Variants in COPA observed in about 807,000 individuals in gnomAD.
The protein encoded by COPA is coat protein complex I subunit alpha, also known as coatomer subunit alpha.
COPA carries 10 observed loss-of-function variants against 158.7 expected under a neutral mutation model. That is an observed-to-expected ratio of 0.06 (90% CI 0.04 to 0.11). The LOEUF (loss-of-function observed/expected upper bound fraction) is 0.11, where lower values mean the gene tolerates loss of function less well. Ranked by LOEUF, COPA falls within the 10% of genes least tolerant of loss-of-function variation. COPA has a pLI of 1.00. For synonymous variants in COPA, 462 were observed against 542.8 expected (o/e 0.85, Z 2.07); for missense variants, 1,065 against 1,536.7 (o/e 0.69, Z 5.13).
At chr1:160,303,305 T>C (rs1016310147) in intron 17 of COPA, among the ~76,000 whole-genome samples, 3 of 152,188 alleles carry the variant, frequency 2.0e-5, no homozygotes, top group Non-Finnish European at 2.9e-5. Context: ...AAAGGAAAAG[T>C]TGTACCAGAT....
chr1:160,327,167 T>C (rs1647270678), intron 6 of COPA, among the ~76,000 whole-genome samples: 1 of 152,210 alleles, frequency 6.6e-6, no homozygotes, highest in Non-Finnish European at 1.5e-5. Context: ...TAGTGGAAGA[T>C]GAAATTACCT....
chr1:160,332,002 C>A (rs912818693), intron 6 of COPA, among the ~76,000 whole-genome samples: 2 of 151,926 alleles, frequency 1.3e-5, no homozygotes, highest in African/African-American at 4.8e-5. Context: ...TAGAACCCAA[C>A]CATGCTCCCC....
At chr1:160,335,369 C>T in intron 3 of COPA, 47 bp from the exon 4 acceptor site, 10 of 1,466,912 alleles carry the variant, frequency 6.8e-6, no homozygotes, top group Non-Finnish European at 9.4e-6. Context: ...TATTGAGCCT[C>T]TAAAAGGCTC....
intron 1 of COPA, among the ~76,000 whole-genome samples, chr1:160,342,349 A>G (rs1648114081): frequency 2.0e-5 from 3 of 152,078 alleles, no homozygotes; most frequent in Admixed American, 2.0e-4. Context: ...CGGAGACCTT[A>G]CTTCTCTGAC....
In COPA at chr1:160,307,221, C is replaced by A. The variant is rs1175454725; in HGVS notation, c.1244G>T (p.Gly415Val). Residue 415 changes from glycine (G) to valine (V), a missense_variant, in exon 14 of 33, where the codon GGC becomes GTC. By Grantham distance (109) the Gly-to-Val change is moderately radical (BLOSUM62 -3). Transcript: ENST00000241704. ...TCGAGCGACCCAAACGGCTGTCAGG[C>A]CTGAGGATCGTTTCCCTTCAGGCGC... Reference protein sequence around the residue: ...PDAPEGKRSSGLTAVWVARNR... With the variant: ...PDAPEGKRSSVLTAVWVARNR... 3.7e-6 allele frequency: 6 copies of A among 1,614,040 alleles called. No individual in the cohort carries two copies. Among genetic ancestry groups the A allele is most frequent in the Non-Finnish European group, 5.1e-6 (6 of 1,180,018 alleles).
rs1483137248 is a variant in COPA, at chr1:160,320,795, A to T, written c.706+2636T>A. On this transcript the variant is annotated intron_variant, in intron 8 of 32. Transcript: ENST00000241704. The stretch of plus-strand genomic sequence containing the variant: ...ATGCCAATCCTATTCAAACTCTTAA[A>T]AAAAAAAAAAAAAAAAAAAAAGGAA... Among the ~76,000 whole-genome samples the T allele has an allele frequency of 3.9e-5, 4 of 101,362 alleles. No homozygotes were observed. The African/African-American group carries it at 4.1e-4, about 10-fold the overall frequency. 66.5% of individuals were successfully genotyped at this position (101,362 alleles called of 152,430 possible).
chr1:160,322,026 A>G (rs1659345092), intron 8 of COPA, among the ~76,000 whole-genome samples: 1 of 152,190 alleles, frequency 6.6e-6, no homozygotes, highest in African/African-American at 2.4e-5. Flanking sequence ...ATGATAGGGT[A>G]AATTACTACC....
intron 6 of COPA, among the ~76,000 whole-genome samples, chr1:160,330,037 C>T (rs1647430176): frequency 6.6e-6 from 1 of 152,122 alleles, no homozygotes; most frequent in African/African-American, 2.4e-5. Flanking sequence ...ATTGCTTGAA[C>T]CCAGGAGGTG....
intron 8 of COPA, among the ~76,000 whole-genome samples, chr1:160,322,926 A>T (rs528861489): frequency 7.9e-5 from 12 of 152,296 alleles, no homozygotes; most frequent in African/African-American, 2.4e-4. Context: ...ACAATAGCCA[A>T]AATACGGAAT....
intron 5 of COPA, among the ~76,000 whole-genome samples, chr1:160,333,048 C>T (rs1647601916): frequency 1.3e-5 from 2 of 152,184 alleles, no homozygotes; most frequent in Admixed American, 6.5e-5. Flanking sequence ...CTCAGCCTCC[C>T]GAGTAGCTGG....
chr1:160,299,063 GCCT>G, intron 18 of COPA, 36 bp downstream of exon 18: 2 of 1,606,558 alleles, frequency 1.2e-6, no homozygotes, highest in Non-Finnish European at 1.7e-6. Context: ...AAAGAGTGCT[GCCT>G]CTCTTAATAC....
In COPA at chr1:160,293,450, C is replaced by T. The variant is rs201089543; in HGVS notation, c.2690G>A (p.Gly897Glu). ...ACCATCTTCAGCCCCACCAGCTGCC[C>T]CAGGGGATATATCCTAGGGGAAAAA... ...ELPPELDISPGAAGGAEDGFF... is the reference protein window; with the variant it reads ...ELPPELDISPEAAGGAEDGFF... Residue 897 changes from glycine to glutamate, a missense_variant, in exon 26 of 33, where the codon GGG becomes GAG. Gly to Glu is a moderately conservative substitution (Grantham distance 98). Coordinates refer to ENST00000241704, the MANE Select transcript of COPA (RefSeq NM_004371.4). 33 of 1,602,584 alleles carry T rather than the reference C, an allele frequency of 2.1e-5. No individual in the cohort carries two copies. Among genetic ancestry groups the T allele is most frequent in the Non-Finnish European group, 2.4e-5 (28 of 1,176,398 alleles).
chr1:160,317,837 T>C (rs1332882132), intron 8 of COPA: 1 of 699,230 alleles, frequency 1.4e-6, no homozygotes, highest in Non-Finnish European at 2.6e-6. Context: ...GTAATCTGAA[T>C]TCTAGTGCTC....
intron 4 of COPA, among the ~76,000 whole-genome samples, chr1:160,334,858 G>C (rs905280748): frequency 2.6e-5 from 4 of 152,096 alleles, no homozygotes; most frequent in African/African-American, 9.7e-5. Context: ...ACTTCGAAAC[G>C]TTTGTTAGCT....
Position 160,332,434 on chromosome 1 carries a change from C to T in COPA, c.496+14G>A, listed in dbSNP as rs1647569676. On this transcript the variant is annotated intron_variant, in intron 6 of 32. Transcript: ENST00000241704. The stretch of plus-strand genomic sequence containing the variant: ...AGAGATGACCAGGTTGTCCTCTGAA[C>T]TTGGGCAGCTCACCAGAAATATCCC... The T allele has an allele frequency of 6.9e-6, 11 of 1,592,014 alleles. No individual in the cohort carries two copies. In the Middle Eastern group the frequency reaches 6.6e-4, roughly 96 times the overall value.
intron 8 of COPA, among the ~76,000 whole-genome samples, chr1:160,316,349 C>A (rs1318887065): frequency 6.8e-6 from 1 of 147,540 alleles, no homozygotes; most frequent in South Asian, 2.2e-4. Flanking sequence ...CAGAGCAAGA[C>A]CCTGTCTTGA....
In COPA at chr1:160,290,468, ATATT is replaced by A; in HGVS notation, c.3615+20_3615+23del. 1.2e-6 allele frequency: 2 copies of A among 1,606,312 alleles called. No homozygotes were observed. Among genetic ancestry groups the A allele is most frequent in the Non-Finnish European group, 1.7e-6 (2 of 1,174,948 alleles). ...TTCCCCTTCGCTCAATATCCTAGAT[ATATT>A]TATTGAGGACAGTACTTACTGTGGT... On this transcript the variant is annotated intron_variant, in intron 32 of 32. Coordinates refer to ENST00000241704, the MANE Select transcript of COPA (RefSeq NM_004371.4).
chr1:160,341,799 A>C (rs1209472122), intron 1 of COPA, among the ~76,000 whole-genome samples: 2 of 151,870 alleles, frequency 1.3e-5, no homozygotes, highest in Non-Finnish European at 2.9e-5. Flanking sequence ...TAAATTGTCT[A>C]TTTTTCCATT....
At chr1:160,339,703 T>A in intron 3 of COPA, 1 of 500,192 alleles carries the variant, frequency 2.0e-6, no homozygotes. Flanking sequence ...CATTTCTTAT[T>A]TATTTTTGAA....
Sources: allele counts gnomAD v4.1 joint callset (sites outside exome capture counted in the v4.1 genomes callset), GRCh38; gene constraint gnomAD v4.1.1; transcripts MANE v1.5; gene names NCBI Gene and HGNC (gene_info 2026-07-23, HGNC 2026-07-21).